The following CTNND2 variants were observed in gnomAD, a reference collection of about 807,000 sequenced individuals.
CTNND2 encodes catenin delta 2.
CTNND2 carries 22 observed loss-of-function variants against 144.4 expected under a neutral mutation model. The observed-to-expected ratio is 0.15, with a 90% CI of 0.11 to 0.22. The LOEUF (loss-of-function observed/expected upper bound fraction) is 0.22. CTNND2 is among the 10% of genes least tolerant of loss of function. CTNND2 has a pLI of 1.00. For missense variants in CTNND2, 1,353 were observed against 1,618.8 expected (o/e 0.84, Z 2.82); for synonymous variants, 751 against 695.6 (o/e 1.08, Z -1.25).
intron 2 of CTNND2, among the ~76,000 whole-genome samples, chr5:11,710,598 G>A (rs1581756495): frequency 6.6e-6 from 1 of 150,652 alleles, no homozygotes; most frequent in Admixed American, 6.6e-5. Flanking sequence ...ACAGCTTGAA[G>A]AATGTCTACA....
rs540107607 is a variant in CTNND2 at position 11,744,683 on chromosome 5, GTT to G, written c.38-12413_38-12412del. 9.8e-3 allele frequency among the ~76,000 whole-genome samples: 115 copies of G among 11,738 alleles called. No individual in the cohort carries two copies. The South Asian group carries it at 0.12, about 12-fold the overall frequency. 7.7% of individuals were successfully genotyped at this position (11,738 alleles called of 152,430 possible). ...CTTGAAGAGGAGTGTGTGTGTGTGT[GTT>G]TGTGTGTGTGCGTGTGTGTGTGTGT... On this transcript the variant is annotated intron_variant, in intron 1 of 21. Coordinates refer to ENST00000304623, the MANE Select transcript of CTNND2 (RefSeq NM_001332.4).
chr5:11,364,865 G>T lies in CTNND2; in HGVS notation c.1203C>A (p.Ser401Arg). The T allele has an allele frequency of 6.2e-7, 1 of 1,612,562 alleles. No homozygotes were observed. Among genetic ancestry groups the T allele is most frequent in the African/African-American group, 1.3e-5 (1 of 74,942 alleles). ...ACTCTGGGCCCAGGTGCCCATGCTG[G>T]CTGCTGTATGAGGCTCGGGAACCAG... The part of the protein sequence containing the change: ...LAAGSRASYS[S>R]QHGHLGPELR... The change falls in exon 8 of 22, where the codon AGC (serine) becomes AGA (arginine). Residue 401 changes from serine to arginine, a missense_variant. Coordinates refer to ENST00000304623, the MANE Select transcript of CTNND2 (RefSeq NM_001332.4).
intron 14 of CTNND2, among the ~76,000 whole-genome samples, chr5:11,108,644 T>C (rs1346685527): frequency 6.6e-6 from 1 of 152,218 alleles, no homozygotes; most frequent in Non-Finnish European, 1.5e-5. Context: ...TAAATAACTT[T>C]AAATTGATTT....
At chr5:11,694,886 G>A (rs1485970055) in intron 2 of CTNND2, among the ~76,000 whole-genome samples, 1 of 152,144 alleles carries the variant, frequency 6.6e-6, no homozygotes, top group African/African-American at 2.4e-5. Flanking sequence ...TTCCAATGGA[G>A]ACTAAATACA....
rs1442813826 is a variant in CTNND2, at chr5:11,384,992, C to T, written c.850G>A (p.Gly284Ser). 28 of 1,513,378 alleles carry T rather than the reference C, an allele frequency of 1.9e-5. No homozygotes were observed. The highest frequency in any genetic ancestry group is 2.4e-5 in the Non-Finnish European group (27 of 1,136,844). 93.7% of individuals were successfully genotyped at this position (1,513,378 alleles called of 1,614,324 possible). Residue 284 changes from glycine to serine, a missense_variant, in exon 7 of 22, where the codon GGC becomes AGC. Around this residue, in one of 4 missense-constraint regions of CTNND2, gnomAD observed 708 missense variants for 706.4 expected, o/e 1.00. Transcript: ENST00000304623. The surrounding 1 kb of genome is among the most constrained non-coding windows in gnomAD (Gnocchi z 5.2). Reference sequence around the variant, plus strand: ...TAGGTGGCGCCCTCGGGGGCCGAGCCGCCGCGCTGCAGCTTGGTGGGCGAA... The same window carrying T: ...TAGGTGGCGCCCTCGGGGGCCGAGCTGCCGCGCTGCAGCTTGGTGGGCGAA... ...GGSPTKLQRG[G>S]SAPEGATYAA...
chr5:11,790,279 C>T lies in CTNND2; in HGVS notation c.38-58007G>A, dbSNP rs533096092. Among the ~76,000 whole-genome samples the T allele has an allele frequency of 2.6e-4, 40 of 152,236 alleles. 1 individual carries two copies. In the South Asian group the frequency reaches 2.9e-3, roughly 11 times the overall value. On this transcript the variant is annotated intron_variant, in intron 1 of 21. Coordinates refer to ENST00000304623, the MANE Select transcript of CTNND2 (RefSeq NM_001332.4). ...CATTTGTCAGTCTTTCCATTATCCCCTACTCCAGAAGAAGTTTCAGCCACT... is the reference window on the plus strand; with the variant it reads ...CATTTGTCAGTCTTTCCATTATCCCTTACTCCAGAAGAAGTTTCAGCCACT...
At chr5:11,829,162 G>A (rs1056222024) in intron 1 of CTNND2, among the ~76,000 whole-genome samples, 4 of 152,140 alleles carry the variant, frequency 2.6e-5, no homozygotes, top group African/African-American at 9.7e-5. Context: ...TTTTGAAAGG[G>A]AATCAGAGCA....
rs887256095 is a variant in CTNND2, at chr5:11,661,226, T to C, written c.174+70910A>G. Among the ~76,000 whole-genome samples the C allele has an allele frequency of 4.6e-5, 7 of 152,188 alleles. No homozygotes were observed. In the East Asian group the frequency reaches 1.4e-3, roughly 29 times the overall value. On this transcript the variant is annotated intron_variant, in intron 2 of 21. Transcript: ENST00000304623. The stretch of plus-strand genomic sequence containing the variant: ...ATAATCTAATTAGGTTTCAGGAAAA[T>C]AAATGTTGAGAAATACAAACTTCTT...
intron 9 of CTNND2, among the ~76,000 whole-genome samples, chr5:11,259,358 C>T (rs1010731694): frequency 6.6e-6 from 1 of 152,178 alleles, no homozygotes; most frequent in Non-Finnish European, 1.5e-5. Context: ...AAAAAGATGG[C>T]ACCATGTAGA....
chr5:10,986,102 G>A (rs188354662), intron 20 of CTNND2, among the ~76,000 whole-genome samples: 107 of 152,310 alleles, frequency 7.0e-4, no homozygotes, highest in African/African-American at 2.4e-3. Context: ...CTCCTGAATT[G>A]CATTTTTAAG....
chr5:11,006,345 C>T (rs12522333), intron 18 of CTNND2, among the ~76,000 whole-genome samples: 3,152 of 152,304 alleles, frequency 0.021, 48 homozygotes, highest in South Asian at 0.043. Context: ...TTCACACCCA[C>T]GTGATGGAGA....
intron 9 of CTNND2, among the ~76,000 whole-genome samples, chr5:11,274,891 C>A (rs956835498): frequency 1.3e-5 from 2 of 152,132 alleles, no homozygotes; most frequent in Non-Finnish European, 2.9e-5. Flanking sequence ...TTAAATATTT[C>A]TTTGTCATTA....
chr5:11,033,059 G>A lies in CTNND2; in HGVS notation c.2789-10080C>T, dbSNP rs114626821. ...CATTGCTGGAAACTGGCTGAGGGAT[G>A]CATAGGACCCCTCCTTACTATCTTT... On this transcript the variant is annotated intron_variant, in intron 16 of 21. Coordinates refer to ENST00000304623, the MANE Select transcript of CTNND2 (RefSeq NM_001332.4). 8.4e-3 allele frequency among the ~76,000 whole-genome samples: 1,273 copies of A among 152,326 alleles called. 12 individuals carry two copies. Among genetic ancestry groups the A allele is most frequent in the Non-Finnish European group, 0.014 (921 of 68,026 alleles).
At chr5:11,517,090 G>A (rs565833036) in intron 3 of CTNND2, among the ~76,000 whole-genome samples, 1 of 152,270 alleles carries the variant, frequency 6.6e-6, no homozygotes, top group South Asian at 2.1e-4. Context: ...TCTAGTTGCT[G>A]AATAAGCAAC....
chr5:11,489,452 G>A (rs1025928344), intron 3 of CTNND2, among the ~76,000 whole-genome samples: 2 of 152,120 alleles, frequency 1.3e-5, no homozygotes, highest in Non-Finnish European at 2.9e-5. Context: ...GGATTCCACA[G>A]TTTGCTAGAA....
chr5:11,420,779 T>C (rs1446627343), intron 3 of CTNND2, among the ~76,000 whole-genome samples: 1 of 152,216 alleles, frequency 6.6e-6, no homozygotes, highest in Non-Finnish European at 1.5e-5. Context: ...GCCGTTTTTC[T>C]TGCTTAGATG....
At chr5:11,175,156 G>A (rs1760351881) in intron 11 of CTNND2, among the ~76,000 whole-genome samples, 1 of 151,706 alleles carries the variant, frequency 6.6e-6, no homozygotes, top group Non-Finnish European at 1.5e-5. Flanking sequence ...TCTCTGTATG[G>A]ATATATATGG....
intron 1 of CTNND2, among the ~76,000 whole-genome samples, chr5:11,882,727 G>A (rs542370260): frequency 6.6e-6 from 1 of 152,126 alleles, no homozygotes; most frequent in Admixed American, 6.5e-5. Flanking sequence ...GTATATTTTA[G>A]AGTCAGGTAG....
intron 9 of CTNND2, among the ~76,000 whole-genome samples, chr5:11,293,426 T>C (rs914721164): frequency 1.3e-5 from 2 of 152,212 alleles, no homozygotes; most frequent in Non-Finnish European, 2.9e-5. Context: ...AAGGGGAACT[T>C]ATTTTTATCT....
Sources: gnomAD v4.1 joint callset for allele counts (sites outside exome capture counted in the v4.1 genomes callset) on GRCh38, gnomAD v4.1.1 for gene constraint, gnomAD v4.1.1 regional missense constraint, Gnocchi (gnomAD v3.1) non-coding constraint, MANE v1.5 for transcripts, NCBI Gene and HGNC (gene_info 2026-07-23, HGNC 2026-07-21) for gene names.